RBMS1: variants seen among roughly 807,000 people sequenced by gnomAD.
RBMS1 encodes the protein RNA binding motif single stranded interacting protein 1, also known as RNA-binding motif, single-stranded-interacting protein 1.
RBMS1 carries 17 observed loss-of-function variants against 62.3 expected under a neutral mutation model. That is an observed-to-expected ratio of 0.27 (90% CI 0.19 to 0.41). RBMS1 has a LOEUF of 0.41. Among genes scored for constraint, RBMS1 ranks in the 10% least tolerant of loss-of-function variants. The probability of loss-of-function intolerance (pLI) is 1.00; values close to 1 mark genes in which losing one functional copy is unlikely to be tolerated. For synonymous variants in RBMS1, 172 were observed against 170.0 expected, an observed-to-expected ratio of 1.01 and a Z score of -0.09; for missense variants, 334 against 504.5, an observed-to-expected ratio of 0.66 and a Z score of 3.24.
At chr2:160,368,473 C>T (rs1432125183) in intron 1 of RBMS1, among the ~76,000 whole-genome samples, 5 of 152,004 alleles carry the variant, frequency 3.3e-5, no homozygotes, top group Admixed American at 3.3e-4. Context: ...AAATCAAATC[C>T]CACAGTGGAA....
intron 6 of RBMS1, among the ~76,000 whole-genome samples, chr2:160,288,388 G>T (rs974291316): frequency 2.6e-5 from 4 of 152,164 alleles, no homozygotes; most frequent in Non-Finnish European, 4.4e-5. Flanking sequence ...TAATGACAGG[G>T]TGGAAGCAGT....
chr2:160,345,946 G>A (rs367607127), intron 2 of RBMS1, among the ~76,000 whole-genome samples: 1 of 152,078 alleles, frequency 6.6e-6, no homozygotes, highest in Non-Finnish European at 1.5e-5. Context: ...GCAGACAATG[G>A]CTGTTCAGAG....
intron 1 of RBMS1, chr2:160,407,448 C>A: frequency 3.0e-6 from 3 of 986,184 alleles, no homozygotes; most frequent in Non-Finnish European, 3.6e-6. Context: ...GCGCGGCATC[C>A]CGGCCGCCGC....
In RBMS1 at chr2:160,382,826, C is replaced by T. The variant is rs576179843; in HGVS notation, c.76-15435G>A. 4.9e-4 allele frequency among the ~76,000 whole-genome samples: 74 copies of T among 152,090 alleles called. 1 individual carries two copies. The highest frequency in any genetic ancestry group is 1.4e-3 in the African/African-American group (59 of 41,436). On this transcript the variant is annotated intron_variant, in intron 1 of 13. Coordinates refer to ENST00000348849, the MANE Select transcript of RBMS1 (RefSeq NM_016836.4). ...GAATCACAACACTCCCACCCCACAA[C>T]ACTAACGTAGTTTACTTAATTTTTT...
At position 160,493,245 on chromosome 2, in the gene RBMS1, G is replaced by A. The variant is rs371576076; in HGVS notation, c.75+44C>T. On this transcript the variant is annotated intron_variant, in intron 1 of 13. Coordinates refer to ENST00000348849, the MANE Select transcript of RBMS1 (RefSeq NM_016836.4). The stretch of plus-strand genomic sequence containing the variant: ...CAGGCCTGACCCTGCGCGCGTCCCC[G>A]GGCCCCCTCCTCCGGCCGTCACCTC... 7 of 1,581,470 alleles carry A rather than the reference G, an allele frequency of 4.4e-6. No individual in the cohort carries two copies. The East Asian group carries it at 1.3e-4, about 30-fold the overall frequency.
chr2:160,426,330 G>GA (rs1682615179), intron 1 of RBMS1, among the ~76,000 whole-genome samples: 1 of 119,558 alleles, frequency 8.4e-6, no homozygotes, highest in African/African-American at 3.0e-5. Flanking sequence ...AGGAAGGAAG[G>GA]AAGGAAAGGA....
intron 1 of RBMS1, among the ~76,000 whole-genome samples, chr2:160,402,426 T>C (rs1292696171): frequency 6.6e-6 from 1 of 152,230 alleles, no homozygotes; most frequent in African/African-American, 2.4e-5. Flanking sequence ...AAAAAGCGAA[T>C]TGGATTTCCC....
intron 1 of RBMS1, among the ~76,000 whole-genome samples, chr2:160,406,194 GCCTCTT>G (rs1268417675): frequency 6.6e-6 from 1 of 152,134 alleles, no homozygotes; most frequent in Non-Finnish European, 1.5e-5. Flanking sequence ...TGTGTTTACT[GCCTCTT>G]TAAAGAAAAG....
At chr2:160,378,587 A>G (rs568806454) in intron 1 of RBMS1, among the ~76,000 whole-genome samples, 18 of 151,622 alleles carry the variant, frequency 1.2e-4, no homozygotes, top group African/African-American at 4.4e-4. Flanking sequence ...TCTGCTCTTC[A>G]GCCTGGGCAC....
chr2:160,481,405 C>T lies in RBMS1; in HGVS notation c.75+11884G>A, dbSNP rs1051321633. ...TCACAATCTTAAAGTAAGCAGATTT[C>T]TTAAACAGACACGAAAAGCAATTAT... On this transcript the variant is annotated intron_variant, in intron 1 of 13. Coordinates refer to ENST00000348849, the MANE Select transcript of RBMS1 (RefSeq NM_016836.4). 4.1e-5 allele frequency among the ~76,000 whole-genome samples: 6 copies of T among 147,928 alleles called. 1 individual carries two copies. The East Asian group carries it at 1.2e-3, about 29-fold the overall frequency.
At chr2:160,289,475 A>G (rs192662486) in intron 6 of RBMS1, among the ~76,000 whole-genome samples, 1 of 152,352 alleles carries the variant, frequency 6.6e-6, no homozygotes, top group African/African-American at 2.4e-5. Flanking sequence ...TTCCATGTGA[A>G]GCAATATAAA....
intron 1 of RBMS1, among the ~76,000 whole-genome samples, chr2:160,370,538 G>T (rs1693670139): frequency 6.6e-6 from 1 of 152,290 alleles, no homozygotes; most frequent in East Asian, 1.9e-4. Flanking sequence ...CAGGCAGGTA[G>T]GTTATTGTTC....
intron 1 of RBMS1, among the ~76,000 whole-genome samples, chr2:160,388,257 C>T (rs1295233177): frequency 6.6e-6 from 1 of 152,188 alleles, no homozygotes; most frequent in Non-Finnish European, 1.5e-5. Flanking sequence ...CACAGAGCAA[C>T]CGCTCTTTGA....
chr2:160,392,308 C>CT (rs1458104862), intron 1 of RBMS1, among the ~76,000 whole-genome samples: 2 of 152,118 alleles, frequency 1.3e-5, no homozygotes, highest in Admixed American at 1.3e-4. Context: ...CTGCAGCTGG[C>CT]TTTTGTATTT....
chr2:160,367,492 C>G, intron 1 of RBMS1, 101 bp from the exon 2 acceptor site: 1 of 1,514,216 alleles, frequency 6.6e-7, no homozygotes, highest in Non-Finnish European at 8.8e-7. Flanking sequence ...CTTTAAGCTA[C>G]TTTGAGTTAT....
intron 2 of RBMS1, among the ~76,000 whole-genome samples, chr2:160,338,193 A>C (rs574431848): frequency 5.0e-4 from 76 of 152,338 alleles, no homozygotes; most frequent in South Asian, 4.6e-3. Flanking sequence ...GATTTTCAAA[A>C]AGTAAAACTA....
At chr2:160,468,745 TTAAAG>T (rs1684798750) in intron 1 of RBMS1, among the ~76,000 whole-genome samples, 1 of 152,216 alleles carries the variant, frequency 6.6e-6, no homozygotes, top group South Asian at 2.1e-4. Flanking sequence ...TAAGACATCA[TTAAAG>T]TAATTTGTAT....
chr2:160,429,318 A>G (rs1190696401), intron 1 of RBMS1, among the ~76,000 whole-genome samples: 2 of 152,180 alleles, frequency 1.3e-5, no homozygotes, highest in East Asian at 3.8e-4. Context: ...TAACTCACAC[A>G]GGAGAAAGTG....
intron 1 of RBMS1, among the ~76,000 whole-genome samples, chr2:160,476,010 C>T (rs2105350220): frequency 6.6e-6 from 1 of 152,118 alleles, no homozygotes; most frequent in South Asian, 2.1e-4. Flanking sequence ...GAACAAGCCA[C>T]CACATCCAGT....
Sources: allele counts gnomAD v4.1 joint callset (sites outside exome capture counted in the v4.1 genomes callset), GRCh38; gene constraint gnomAD v4.1.1; transcripts MANE v1.5; gene names NCBI Gene and HGNC (gene_info 2026-07-23, HGNC 2026-07-21).